Variants in ARHGEF3 observed in about 807,000 individuals in gnomAD.
The protein encoded by ARHGEF3 is Rho guanine nucleotide exchange factor 3.
A neutral mutation model predicts 63.2 loss-of-function variants in ARHGEF3; 28 were observed. That is an observed-to-expected ratio of 0.44 (90% CI 0.33 to 0.61). The LOEUF (loss-of-function observed/expected upper bound fraction) is 0.61. Ranked by LOEUF, ARHGEF3 falls within the 20% of genes least tolerant of loss-of-function variation. The pLI is 0.03. For synonymous variants in ARHGEF3, 266 were observed against 254.2 expected, an observed-to-expected ratio of 1.05 and a Z score of -0.44; for missense variants, 533 against 659.3, an observed-to-expected ratio of 0.81 and a Z score of 2.10.
intron 2 of ARHGEF3, among the ~76,000 whole-genome samples, chr3:56,990,344 G>A (rs1160001276): frequency 1.3e-5 from 2 of 152,342 alleles, no homozygotes; most frequent in East Asian, 3.9e-4. Flanking sequence ...ACGACTTTGG[G>A]AGGCCAAGGC....
intron 1 of ARHGEF3, among the ~76,000 whole-genome samples, chr3:57,053,473 T>G (rs1156673052): frequency 2.0e-5 from 3 of 152,224 alleles, no homozygotes; most frequent in Non-Finnish European, 4.4e-5. Context: ...AAAGTTTCTA[T>G]GTGTTCTTTG....
chr3:56,804,439 C>G (rs1474238467), upstream of ARHGEF3, among the ~76,000 whole-genome samples: 2 of 152,220 alleles, frequency 1.3e-5, no homozygotes, highest in Admixed American at 1.3e-4. Context: ...CATAGCTCTT[C>G]ATCCCAGGTA....
intron 3 of ARHGEF3, among the ~76,000 whole-genome samples, chr3:56,934,238 A>C (rs2042488993): frequency 6.6e-6 from 1 of 152,242 alleles, no homozygotes; most frequent in Non-Finnish European, 1.5e-5. Flanking sequence ...ATATAGCATA[A>C]TAGTAGTAGT....
chr3:57,030,692 G>A (rs576157090), intron 2 of ARHGEF3, among the ~76,000 whole-genome samples: 26 of 152,258 alleles, frequency 1.7e-4, no homozygotes, highest in African/African-American at 5.5e-4. Flanking sequence ...TTGCCACACA[G>A]CTGAGGAAAC....
intron 4 of ARHGEF3, among the ~76,000 whole-genome samples, chr3:56,869,367 T>C (rs1183939504): frequency 6.6e-6 from 1 of 152,180 alleles, no homozygotes; most frequent in Non-Finnish European, 1.5e-5. Flanking sequence ...AACCACCTGC[T>C]CATACTGAGT....
intron 3 of ARHGEF3, among the ~76,000 whole-genome samples, chr3:56,945,493 C>A (rs1699440575): frequency 6.6e-6 from 1 of 152,160 alleles, no homozygotes; most frequent in African/African-American, 2.4e-5. Flanking sequence ...CTTGGAGGGT[C>A]CTACGCCCAC....
chr3:56,960,496 G>A (rs1007811868), intron 2 of ARHGEF3: 3 of 151,936 alleles, frequency 2.0e-5, no homozygotes, highest in Non-Finnish European at 2.9e-5. Context: ...GATGAGATGA[G>A]GACTCTAACT....
At chr3:57,072,773 G>A (rs1010982323) in intron 1 of ARHGEF3, among the ~76,000 whole-genome samples, 43 of 151,784 alleles carry the variant, frequency 2.8e-4, no homozygotes, top group African/African-American at 9.4e-4. Flanking sequence ...CAAGCCAGGC[G>A]TGGTGGCTCA....
chr3:56,788,991 T>C (rs1046783228), intron 1 of ARHGEF3, among the ~76,000 whole-genome samples: 1 of 151,922 alleles, frequency 6.6e-6, no homozygotes, highest in Non-Finnish European at 1.5e-5. Context: ...ACCTATAGCT[T>C]CTACTCAACT....
intron 4 of ARHGEF3, chr3:56,882,228 CA>C (rs2040790155): frequency 2.0e-6 from 3 of 1,478,348 alleles, no homozygotes; most frequent in Middle Eastern, 1.7e-4. Context: ...ATATTATTAA[CA>C]AATAACCTTC....
At chr3:56,931,543 T>C (rs1386549277) in intron 3 of ARHGEF3, among the ~76,000 whole-genome samples, 1 of 115,196 alleles carries the variant, frequency 8.7e-6, no homozygotes, top group East Asian at 2.9e-4. Flanking sequence ...GCTACTGCAC[T>C]CCAGCCTGGG....
At chr3:56,953,811 AGG>A (rs1459444871) in intron 3 of ARHGEF3, among the ~76,000 whole-genome samples, 13 of 152,318 alleles carry the variant, frequency 8.5e-5, no homozygotes, top group African/African-American at 2.6e-4. Flanking sequence ...CATCTGCAGT[AGG>A]AGAAGACAAA....
chr3:56,756,459 T>C (rs2035069784), intron 2 of ARHGEF3, among the ~76,000 whole-genome samples: 1 of 151,686 alleles, frequency 6.6e-6, no homozygotes, highest in Admixed American at 6.6e-5. Context: ...TGTCATTCCC[T>C]AAATATGTCA....
At chr3:57,067,051 A>G (rs1023125781) in intron 1 of ARHGEF3, among the ~76,000 whole-genome samples, 3 of 152,238 alleles carry the variant, frequency 2.0e-5, no homozygotes, top group African/African-American at 4.8e-5. Flanking sequence ...TGATTTTCCA[A>G]TAGAAATTGT....
intron 2 of ARHGEF3, among the ~76,000 whole-genome samples, chr3:56,975,347 G>A (rs1037997296): frequency 6.6e-6 from 1 of 152,148 alleles, no homozygotes; most frequent in Non-Finnish European, 1.5e-5. Flanking sequence ...GAACCCAGGA[G>A]GTGGAGGTTG....
intron 3 of ARHGEF3, among the ~76,000 whole-genome samples, chr3:56,942,519 TCTC>T (rs1699237715): frequency 6.6e-6 from 1 of 152,078 alleles, no homozygotes; most frequent in Non-Finnish European, 1.5e-5. Context: ...TCTCTCTCCC[TCTC>T]CTCAGGCTTC....
intron 1 of ARHGEF3, among the ~76,000 whole-genome samples, chr3:57,067,806 C>A (rs1705642780): frequency 6.8e-6 from 1 of 146,420 alleles, no homozygotes; most frequent in Non-Finnish European, 1.5e-5. Flanking sequence ...GGTGAAACCC[C>A]GTCTCTACTA....
intron 3 of ARHGEF3, among the ~76,000 whole-genome samples, chr3:56,934,731 C>G (rs547677137): frequency 4.3e-4 from 65 of 152,352 alleles, no homozygotes; most frequent in Admixed American, 3.7e-3. Flanking sequence ...TGCAGCCCGC[C>G]GTGCCTGAGC....
intron 1 of ARHGEF3, among the ~76,000 whole-genome samples, chr3:57,051,099 C>G (rs116217881): frequency 0.016 from 2,404 of 152,260 alleles, 70 homozygotes; most frequent in African/African-American, 0.055. Flanking sequence ...GGGCCAGGCA[C>G]AGCACCCCAA....
Sources: allele counts gnomAD v4.1 joint callset (sites outside exome capture counted in the v4.1 genomes callset), GRCh38; gene constraint gnomAD v4.1.1; transcripts MANE v1.5; gene names NCBI Gene and HGNC (gene_info 2026-07-23, HGNC 2026-07-21).